PTRH1: variants seen among roughly 807,000 people sequenced by gnomAD.
PTRH1 encodes the protein peptidyl-tRNA hydrolase 1 homolog.
Under a neutral mutation model 15.7 loss-of-function variants are expected in PTRH1, and 13 were observed. That is an observed-to-expected ratio of 0.83 (90% CI 0.54 to 1.31). The LOEUF (loss-of-function observed/expected upper bound fraction) is 1.31. PTRH1 is among the 40% of genes most tolerant of loss of function. The probability of loss-of-function intolerance (pLI) is 0.00; values close to 1 mark genes in which losing one functional copy is unlikely to be tolerated. For synonymous variants in PTRH1, 139 were observed against 136.7 expected (o/e 1.02, Z -0.12); for missense variants, 319 against 296.2 (o/e 1.08, Z -0.56).
At position 127,699,571 on chromosome 9, in the gene PTRH1, T is replaced by C. The variant is rs369595936; in HGVS notation, c.206-4430A>G. Among the ~76,000 whole-genome samples, 25 of 152,296 alleles carry C rather than the reference T, an allele frequency of 1.6e-4. No individual in the cohort carries two copies. In the East Asian group the frequency reaches 2.7e-3, roughly 16 times the overall value. On this transcript the variant is annotated intron_variant, in intron 1 of 2. Transcript: ENST00000335223. ...CGGGGTTGTGAAGCGTTGGTCATTC[T>C]ATCTGGGTGCTGGGTTAGGCAGTAC...
intron 1 of PTRH1, among the ~76,000 whole-genome samples, chr9:127,700,936 C>T (rs746115995): frequency 2.6e-4 from 39 of 152,190 alleles, no homozygotes; most frequent in Non-Finnish European, 5.1e-4. Context: ...TGCATGCCCT[C>T]ATCTTCTGAA....
intron 1 of PTRH1, chr9:127,707,316 C>A: frequency 1.0e-6 from 1 of 1,000,152 alleles, no homozygotes; most frequent in Non-Finnish European, 1.4e-6. Flanking sequence ...GATGTCCAGA[C>A]CCCATCCCGA....
chr9:127,708,307 T>A (rs1377497370), intron 1 of PTRH1, among the ~76,000 whole-genome samples: 1 of 152,006 alleles, frequency 6.6e-6, no homozygotes, highest in Non-Finnish European at 1.5e-5. Flanking sequence ...TGAAGCCCAG[T>A]CTCTACTAAA....
chr9:127,695,086 A>ATGG (rs1354006803), exon 2 of PTRH1: 33 of 690,166 alleles, frequency 4.8e-5, no homozygotes, highest in Non-Finnish European at 8.2e-5. Context: ...GATGATGATG[A>ATGG]TGATGATGGT....
chr9:127,707,009 T>C (rs1489059145), intron 1 of PTRH1: 3 of 1,612,198 alleles, frequency 1.9e-6, no homozygotes, highest in Non-Finnish European at 2.5e-6. Context: ...TCCTGGGGCC[T>C]GGAGCCCTGG....
chr9:127,711,486 G>A, downstream of PTRH1: 1 of 1,613,298 alleles, frequency 6.2e-7, no homozygotes, highest in Non-Finnish European at 8.5e-7. Flanking sequence ...CACAAAAGAG[G>A]CCACCAGAAG....
At chr9:127,707,176 G>A in intron 1 of PTRH1, 1 of 1,612,800 alleles carries the variant, frequency 6.2e-7, no homozygotes, top group South Asian at 1.1e-5. Context: ...CCGAGACCTG[G>A]AGGACCGGCT....
downstream of PTRH1, chr9:127,713,051 T>C (rs543912514): frequency 1.3e-5 from 21 of 1,613,732 alleles, no homozygotes; most frequent in Admixed American, 3.3e-4. Flanking sequence ...CAGGACTGGG[T>C]CTCTGCTGCC....
chr9:127,695,165 C>A, intron 1 of PTRH1: 1 of 677,078 alleles, frequency 1.5e-6, no homozygotes, highest in Non-Finnish European at 2.7e-6. Flanking sequence ...AATAAATAGT[C>A]TCATAAATTT....
downstream of PTRH1, chr9:127,709,581 C>T: frequency 6.2e-7 from 1 of 1,614,100 alleles, no homozygotes; most frequent in East Asian, 2.2e-5. This position sits in a 1 kb window ranked among gnomAD's most constrained non-coding sequence, Gnocchi z 4.7. Flanking sequence ...AGCTCCAGAA[C>T]TTGCAGCTAG....
Position 127,715,550 on chromosome 9 carries a change from C to G in PTRH1, c.90G>C (p.Arg30=), listed in dbSNP as rs758310430. The part of the protein sequence containing the change: ...CVLEPRPPGK[R]WMVAGLGNPG... ...GCCGCCCCACGCCACTCACCATCCACCGCTTCCCCGGGGGGCGAGGCTCCA... is the reference window on the plus strand; with the variant it reads ...GCCGCCCCACGCCACTCACCATCCAGCGCTTCCCCGGGGGGCGAGGCTCCA... Residue 30 remains arginine (R), a synonymous_variant, in exon 1 of 5, where the codon CGG becomes CGC. Transcript: ENST00000543175. This position sits in a 1 kb window ranked among gnomAD's most constrained non-coding sequence, Gnocchi z 5.8. 2 of 1,613,516 alleles carry G rather than the reference C, an allele frequency of 1.2e-6. No individual in the cohort carries two copies. The highest frequency in any genetic ancestry group is 2.2e-5 in the South Asian group (2 of 91,080).
chr9:127,713,355 G>A (rs1487244896), downstream of PTRH1: 13 of 654,044 alleles, frequency 2.0e-5, no homozygotes, highest in Non-Finnish European at 3.2e-5. Flanking sequence ...GAAGAAAGGA[G>A]TGGCCAAGCC....
chr9:127,706,871 T>G, intron 1 of PTRH1: 1 of 774,296 alleles, frequency 1.3e-6, no homozygotes, highest in Non-Finnish European at 2.0e-6. Context: ...ACTGATGCCA[T>G]CTGCCTTGGA....
downstream of PTRH1, chr9:127,711,450 A>C (rs780174238): frequency 1.9e-5 from 31 of 1,614,034 alleles, no homozygotes; most frequent in African/African-American, 3.6e-4. Flanking sequence ...GAGCTGCTGG[A>C]GAACACCCAG....
Position 127,715,418 on chromosome 9 carries a change from T to G in PTRH1, c.96+126A>C. ...GGAGCTTCAAGAAGTTTGGAGCCCG[T>G]CGAGCACTGAACTCACCAGTTAAGA... is the stretch of plus-strand genomic sequence containing the variant. On this transcript the variant is annotated intron_variant, in intron 1 of 4. Transcript: ENST00000543175. This position sits in a 1 kb window ranked among gnomAD's most constrained non-coding sequence, Gnocchi z 5.8. The G allele has an allele frequency of 1.4e-6, 2 of 1,404,330 alleles. No homozygotes were observed. The highest frequency in any genetic ancestry group is 2.0e-6 in the Non-Finnish European group (2 of 1,017,910). The allele number at this position is 1,404,330 out of a possible 1,614,324, so 87.0% of individuals were successfully genotyped here. A position where few individuals can be genotyped will look rare whatever the true frequency, so the allele number is the denominator to read the frequency against.
intron 1 of PTRH1, among the ~76,000 whole-genome samples, chr9:127,702,102 G>C (rs1265973126): frequency 6.6e-6 from 1 of 151,984 alleles, no homozygotes; most frequent in Non-Finnish European, 1.5e-5. Flanking sequence ...GGCTGGGCGT[G>C]GTGGCTCATG....
chr9:127,707,213 G>A (rs750352185), intron 1 of PTRH1: 1 of 1,605,276 alleles, frequency 6.2e-7, no homozygotes, highest in Non-Finnish European at 8.5e-7. Context: ...TGGCGGGCAG[G>A]AGTCTGGTGC....
At chr9:127,710,727 A>G (rs1842746353), downstream of PTRH1, 4 of 1,569,686 alleles carry the variant, frequency 2.5e-6, no homozygotes, top group African/African-American at 1.3e-5. Context: ...TACAACCTGG[A>G]GAAGAAGTCG....
chr9:127,715,592 G>A lies in PTRH1; in HGVS notation c.48C>T (p.Ala16=), dbSNP rs369506646. ...FLGAGQRLSR[A]MSRCVLEPRP... ...GAGGCTCCAAAACACATCGGCTCAT[G>A]GCTCTACTCAGCCGCTGTCCGGCGC... The change falls in exon 1 of 5, where the codon GCC becomes GCT. Residue 16 remains alanine, a synonymous_variant. Coordinates refer to ENST00000543175, the MANE Select transcript of PTRH1 (RefSeq NM_001002913.3). The surrounding 1 kb of genome is among the most constrained non-coding windows in gnomAD (Gnocchi z 5.8). The A allele has an allele frequency of 1.3e-4, 202 of 1,613,226 alleles. No individual in the cohort carries two copies. The highest frequency in any genetic ancestry group is 1.7e-4 in the Non-Finnish European group (195 of 1,180,024).
Sources: gnomAD v4.1 joint callset for allele counts (sites outside exome capture counted in the v4.1 genomes callset) on GRCh38, gnomAD v4.1.1 for gene constraint, Gnocchi (gnomAD v3.1) non-coding constraint, MANE v1.5 for transcripts, NCBI Gene and HGNC (gene_info 2026-07-23, HGNC 2026-07-21) for gene names.